KSR2: variants seen among roughly 807,000 people sequenced by gnomAD.
The protein encoded by KSR2 is kinase suppressor of ras 2.
Under a neutral mutation model 107.8 loss-of-function variants are expected in KSR2, and 25 were observed. The observed-to-expected ratio is 0.23, with a 90% CI of 0.17 to 0.32. The LOEUF is 0.32. KSR2 is among the 10% of genes least tolerant of loss of function. The pLI is 1.00. For synonymous variants in KSR2, 480 were observed against 507.0 expected (o/e 0.95, Z 0.71); for missense variants, 887 against 1,268.9 (o/e 0.70, Z 4.57).
chr12:117,495,718 T>C (rs1443627991), intron 14 of KSR2, among the ~76,000 whole-genome samples: 1 of 152,216 alleles, frequency 6.6e-6, no homozygotes, highest in Non-Finnish European at 1.5e-5. Context: ...TCTGTCTTGC[T>C]GAGTTCTTCT....
intron 1 of KSR2, among the ~76,000 whole-genome samples, chr12:117,926,363 C>T (rs898816691): frequency 6.6e-6 from 1 of 152,234 alleles, no homozygotes; most frequent in Non-Finnish European, 1.5e-5. Flanking sequence ...GCTGTAAGCA[C>T]CAACCATTAC....
At position 117,720,309 on chromosome 12, in the gene KSR2, C is replaced by T. The variant is rs567137517; in HGVS notation, c.986+40702G>A. On this transcript the variant is annotated intron_variant, in intron 4 of 19. Transcript: ENST00000339824. ...CTGTTATCATTTAGAAGGTTTGCTA[C>T]CCTCTTTAAAAATCTCATGATGGAA... Among the ~76,000 whole-genome samples, 61 of 152,240 alleles carry T rather than the reference C, an allele frequency of 4.0e-4. 1 individual carries two copies. The highest frequency in any genetic ancestry group is 3.4e-3 in the Middle Eastern group (1 of 294).
chr12:117,560,531 C>T (rs978227078), intron 7 of KSR2, among the ~76,000 whole-genome samples: 4 of 152,202 alleles, frequency 2.6e-5, no homozygotes, highest in East Asian at 3.9e-4. Flanking sequence ...CTCTCCAACA[C>T]GTGCTATCTC....
chr12:117,550,181 A>G (rs76108719), intron 9 of KSR2, among the ~76,000 whole-genome samples: 4,991 of 152,324 alleles, frequency 0.033, 273 homozygotes, highest in African/African-American at 0.11. Flanking sequence ...CTGTAAGGTG[A>G]GAGGAATGGC....
chr12:117,510,545 C>T (rs1873959585), intron 14 of KSR2, among the ~76,000 whole-genome samples: 3 of 152,166 alleles, frequency 2.0e-5, no homozygotes, highest in Admixed American at 2.0e-4. Context: ...TTTACGTCAC[C>T]TCCATTGAGT....
intron 12 of KSR2, 31 bp downstream of exon 12, chr12:117,530,910 G>T: frequency 1.3e-6 from 2 of 1,599,536 alleles, no homozygotes; most frequent in Non-Finnish European, 1.7e-6. Flanking sequence ...GGAAGCTTGG[G>T]AAAGGGGGAA....
chr12:117,928,847 G>A (rs1321699448), intron 1 of KSR2, among the ~76,000 whole-genome samples: 3 of 152,150 alleles, frequency 2.0e-5, no homozygotes, highest in East Asian at 1.9e-4. Context: ...GGTAGACATC[G>A]CAAATGGAGC....
Position 117,755,594 on chromosome 12 carries a change from T to C in KSR2, c.986+5417A>G, listed in dbSNP as rs557342369. Among the ~76,000 whole-genome samples the C allele has an allele frequency of 1.6e-4, 24 of 152,324 alleles. No homozygotes were observed. In the South Asian group the frequency reaches 4.8e-3, roughly 30 times the overall value. ...ATTCCCCATCTGTCTCTCCTTTTCCTGGGCCTCCCTATTTTCTGAAACACA... is the reference window on the plus strand; with the variant it reads ...ATTCCCCATCTGTCTCTCCTTTTCCCGGGCCTCCCTATTTTCTGAAACACA... On this transcript the variant is annotated intron_variant, in intron 4 of 19. Coordinates refer to ENST00000339824, the MANE Select transcript of KSR2 (RefSeq NM_173598.6).
intron 4 of KSR2, among the ~76,000 whole-genome samples, chr12:117,721,490 A>T (rs563163055): frequency 6.9e-4 from 105 of 152,284 alleles, no homozygotes; most frequent in Middle Eastern, 3.4e-3. Flanking sequence ...TTATACCCAA[A>T]TCTAAAAATA....
intron 5 of KSR2, among the ~76,000 whole-genome samples, chr12:117,665,230 C>T (rs937767): frequency 0.37 from 56,329 of 151,846 alleles, 11,627 homozygotes; most frequent in African/African-American, 0.56. Context: ...CTCCTGTCCA[C>T]AGGCAAGCAG....
chr12:117,906,630 C>T (rs1894857698), intron 1 of KSR2, among the ~76,000 whole-genome samples: 1 of 151,756 alleles, frequency 6.6e-6, no homozygotes, highest in African/African-American at 2.4e-5. Flanking sequence ...TGCTTGCCTT[C>T]ACACAGTTTC....
intron 4 of KSR2, among the ~76,000 whole-genome samples, chr12:117,731,440 C>A (rs1401362582): frequency 7.4e-6 from 1 of 135,694 alleles, no homozygotes; most frequent in African/African-American, 3.0e-5. Context: ...CGCCCAGCCA[C>A]CGCCCCGTCC....
intron 3 of KSR2, among the ~76,000 whole-genome samples, chr12:117,803,030 T>C (rs1890887836): frequency 6.6e-6 from 1 of 152,250 alleles, no homozygotes; most frequent in Non-Finnish European, 1.5e-5. Flanking sequence ...TTACCTGATC[T>C]ATTTGATGAA....
chr12:117,637,901 T>C (rs1883188400), intron 5 of KSR2, among the ~76,000 whole-genome samples: 1 of 151,988 alleles, frequency 6.6e-6, no homozygotes, highest in Admixed American at 6.6e-5. Context: ...CAAGAATGCC[T>C]CAAGGTAAAA....
At chr12:117,955,357 T>A (rs1315090562) in intron 1 of KSR2, among the ~76,000 whole-genome samples, 1 of 151,906 alleles carries the variant, frequency 6.6e-6, no homozygotes, top group African/African-American at 2.4e-5. Context: ...AACTCCTGAG[T>A]TCAAGCAATC....
intron 14 of KSR2, among the ~76,000 whole-genome samples, chr12:117,505,737 T>C (rs1071492): frequency 0.83 from 125,728 of 152,226 alleles, 52,594 homozygotes; most frequent in East Asian, 0.98. Context: ...TCCAACTCAA[T>C]TGAGCTATTT....
intron 1 of KSR2, among the ~76,000 whole-genome samples, chr12:117,919,287 T>C (rs899320647): frequency 2.0e-5 from 3 of 152,208 alleles, no homozygotes; most frequent in Non-Finnish European, 4.4e-5. Context: ...CCCTTAACAA[T>C]GAAGAGATAG....
intron 1 of KSR2, among the ~76,000 whole-genome samples, chr12:117,911,194 A>ACACACACACT (rs1231506297): frequency 6.6e-6 from 1 of 151,768 alleles, no homozygotes; most frequent in Non-Finnish European, 1.5e-5. Context: ...ACACACACAC[A>ACACACACACT]CACACTCAAG....
intron 1 of KSR2, among the ~76,000 whole-genome samples, chr12:117,921,830 T>C (rs1040462360): frequency 6.6e-6 from 1 of 152,126 alleles, no homozygotes; most frequent in Non-Finnish European, 1.5e-5. Flanking sequence ...AATATCAGAA[T>C]GTACCCACGA....
Sources: allele counts gnomAD v4.1 joint callset (sites outside exome capture counted in the v4.1 genomes callset), GRCh38; gene constraint gnomAD v4.1.1; transcripts MANE v1.5; gene names NCBI Gene and HGNC (gene_info 2026-07-23, HGNC 2026-07-21).